Variants in CCSER1 observed in about 807,000 individuals in gnomAD.
CCSER1 encodes coiled-coil serine rich protein 1.
Under a neutral mutation model 82.0 loss-of-function variants are expected in CCSER1, and 41 were observed. That is an observed-to-expected ratio of 0.50 (90% CI 0.39 to 0.65). The LOEUF (loss-of-function observed/expected upper bound fraction) is 0.65. CCSER1 is among the 30% of genes least tolerant of loss of function. The pLI, the probability that CCSER1 is intolerant of heterozygous loss-of-function variation, is 0.00. For synonymous variants in CCSER1, 414 were observed against 383.9 expected, an observed-to-expected ratio of 1.08 and a Z score of -0.92; for missense variants, 1,119 against 1,064.2, an observed-to-expected ratio of 1.05 and a Z score of -0.72.
intron 10 of CCSER1, among the ~76,000 whole-genome samples, chr4:91,567,601 T>C (rs1241809990): frequency 6.6e-6 from 1 of 152,118 alleles, no homozygotes; most frequent in Non-Finnish European, 1.5e-5. Flanking sequence ...GTTAGGTCTT[T>C]TGTTGAATTG....
intron 5 of CCSER1, among the ~76,000 whole-genome samples, chr4:90,483,357 A>G (rs898263543): frequency 1.3e-5 from 2 of 152,320 alleles, no homozygotes; most frequent in South Asian, 2.1e-4. Flanking sequence ...TCATTGGAGC[A>G]TTTAGTCCAC....
At chr4:90,812,424 T>C (rs1162622341) in intron 7 of CCSER1, among the ~76,000 whole-genome samples, 2 of 152,160 alleles carry the variant, frequency 1.3e-5, no homozygotes, top group Non-Finnish European at 2.9e-5. Flanking sequence ...TGGATGTGGA[T>C]ATATTGTGTA....
At position 90,170,736 on chromosome 4, in the gene CCSER1, A is replaced by G. The variant is rs186789404; in HGVS notation, c.-42+42905A>G. Among the ~76,000 whole-genome samples the G allele has an allele frequency of 4.0e-5, 6 of 151,890 alleles. No homozygotes were observed. In the East Asian group the frequency reaches 1.2e-3, roughly 29 times the overall value. On this transcript the variant is annotated intron_variant, in intron 1 of 10. Coordinates refer to ENST00000509176, the MANE Select transcript of CCSER1 (RefSeq NM_001145065.2). ...TTATGGCTGAATAGTATTCCATTGT[A>G]TATATGTACTATATTTTCTTTATTC...
chr4:91,111,254 T>C (rs928160116), intron 10 of CCSER1, among the ~76,000 whole-genome samples: 5 of 152,046 alleles, frequency 3.3e-5, no homozygotes, highest in Admixed American at 6.6e-5. Flanking sequence ...ATCACTTTTA[T>C]CTAATGTGAC....
At chr4:90,258,810 A>G (rs1194277946) in intron 1 of CCSER1, among the ~76,000 whole-genome samples, 1 of 152,156 alleles carries the variant, frequency 6.6e-6, no homozygotes, top group Non-Finnish European at 1.5e-5. Context: ...TCACCTAAGC[A>G]GTGTACACTG....
At chr4:91,190,179 G>T (rs1198751665) in intron 10 of CCSER1, among the ~76,000 whole-genome samples, 1 of 152,192 alleles carries the variant, frequency 6.6e-6, no homozygotes. Context: ...GGATCTCTTA[G>T]ATGACTAGGA....
At chr4:90,357,717 T>A (rs1744613960) in intron 3 of CCSER1, among the ~76,000 whole-genome samples, 1 of 152,040 alleles carries the variant, frequency 6.6e-6, no homozygotes, top group Non-Finnish European at 1.5e-5. Context: ...CAAATCATGG[T>A]GTGTACCACA....
chr4:91,493,820 T>A (rs1758675849), intron 10 of CCSER1, among the ~76,000 whole-genome samples: 1 of 151,732 alleles, frequency 6.6e-6, no homozygotes, highest in African/African-American at 2.4e-5. Flanking sequence ...ATATCTAATT[T>A]TTTTTAAAAA....
At chr4:90,710,619 T>C (rs1252769604) in intron 6 of CCSER1, among the ~76,000 whole-genome samples, 3 of 152,176 alleles carry the variant, frequency 2.0e-5, no homozygotes, top group Admixed American at 6.6e-5. Context: ...TTGTCAGCTT[T>C]GTTGAAGATC....
chr4:91,013,158 G>C lies in CCSER1; in HGVS notation c.2173-72792G>C, dbSNP rs570241000. On this transcript the variant is annotated intron_variant, in intron 9 of 10. Transcript: ENST00000509176. ...ATAAGGGCTTCTAATCAACCATTTTGCTAATGTCACACTCTCTTTTCCAGG... is the reference window on the plus strand; with the variant it reads ...ATAAGGGCTTCTAATCAACCATTTTCCTAATGTCACACTCTCTTTTCCAGG... 1.9e-4 allele frequency among the ~76,000 whole-genome samples: 26 copies of C among 134,312 alleles called. 5 individuals are homozygous for C. In the South Asian group the frequency reaches 5.5e-3, roughly 29 times the overall value. 88.1% of individuals were successfully genotyped at this position (134,312 alleles called of 152,430 possible). A position where few individuals can be genotyped will look rare whatever the true frequency, so the allele number is the denominator to read the frequency against.
intron 9 of CCSER1, among the ~76,000 whole-genome samples, chr4:90,950,564 T>C (rs1477012596): frequency 6.6e-6 from 1 of 151,990 alleles, no homozygotes; most frequent in Non-Finnish European, 1.5e-5. Context: ...TTCCCACAGC[T>C]CTAGCTGTCT....
chr4:90,568,015 C>T lies in CCSER1; in HGVS notation c.1725-60010C>T, dbSNP rs182548941. Among the ~76,000 whole-genome samples, 110 of 152,078 alleles carry T rather than the reference C, an allele frequency of 7.2e-4. 1 individual carries two copies. The highest frequency in any genetic ancestry group is 2.0e-3 in the African/African-American group (84 of 41,478). On this transcript the variant is annotated intron_variant, in intron 5 of 10. Coordinates refer to ENST00000509176, the MANE Select transcript of CCSER1 (RefSeq NM_001145065.2). Reference sequence around the variant, plus strand: ...TTTGTGAATTTTTTGAAGTTTCTTCCGTTATTTCTAATTTTATACCGTGTC... The same window carrying T: ...TTTGTGAATTTTTTGAAGTTTCTTCTGTTATTTCTAATTTTATACCGTGTC...
At chr4:91,013,355 T>C (rs1452323280) in intron 9 of CCSER1, among the ~76,000 whole-genome samples, 1 of 133,570 alleles carries the variant, frequency 7.5e-6, no homozygotes, top group East Asian at 2.4e-4. Flanking sequence ...CTCGGCACTC[T>C]TGTTGAAGAT....
In CCSER1 at chr4:90,496,366, G is replaced by A. The variant is rs570655499; in HGVS notation, c.1724+28012G>A. 8.5e-5 allele frequency among the ~76,000 whole-genome samples: 13 copies of A among 152,262 alleles called. No homozygotes were observed. In the South Asian group the frequency reaches 2.7e-3, roughly 32 times the overall value. On this transcript the variant is annotated intron_variant, in intron 5 of 10. Coordinates refer to ENST00000509176, the MANE Select transcript of CCSER1 (RefSeq NM_001145065.2). ...CAATAACATCTGTATTTAGGAGTTA[G>A]AATTTAATATAAATACATTCAGTAT...
chr4:91,004,520 T>C (rs1378112751), intron 9 of CCSER1, among the ~76,000 whole-genome samples: 1 of 152,238 alleles, frequency 6.6e-6, no homozygotes, highest in Admixed American at 6.5e-5. Flanking sequence ...ATTCATTTGG[T>C]CAGTGTAATT....
intron 10 of CCSER1, among the ~76,000 whole-genome samples, chr4:91,518,694 A>C (rs1039400115): frequency 6.6e-6 from 1 of 152,152 alleles, no homozygotes; most frequent in Non-Finnish European, 1.5e-5. Flanking sequence ...GTTCAGGTGA[A>C]GACCTCAGAC....
chr4:90,200,480 G>T (rs113648014), intron 1 of CCSER1, among the ~76,000 whole-genome samples: 248 of 151,794 alleles, frequency 1.6e-3, no homozygotes, highest in African/African-American at 5.4e-3. Context: ...AAACTTTTTA[G>T]AAAATCATAC....
chr4:90,520,457 G>A (rs1772938836), intron 5 of CCSER1, among the ~76,000 whole-genome samples: 1 of 152,076 alleles, frequency 6.6e-6, no homozygotes, highest in African/African-American at 2.4e-5. Context: ...CTGATTCTTT[G>A]TTGCTTTTAC....
intron 10 of CCSER1, among the ~76,000 whole-genome samples, chr4:91,486,308 T>A (rs553591824): frequency 6.6e-6 from 1 of 152,150 alleles, no homozygotes; most frequent in African/African-American, 2.4e-5. Context: ...TGAAAAAAAA[T>A]TAGCATGTAG....
Sources: gnomAD v4.1 joint callset for allele counts (sites outside exome capture counted in the v4.1 genomes callset) on GRCh38, gnomAD v4.1.1 for gene constraint, MANE v1.5 for transcripts, NCBI Gene and HGNC (gene_info 2026-07-23, HGNC 2026-07-21) for gene names.